PELI1: variants seen among roughly 807,000 people sequenced by gnomAD.
PELI1 encodes E3 ubiquitin-protein ligase pellino homolog 1.
In PELI1, 15 loss-of-function variants were observed where a neutral mutation model predicts 41.3. That is an observed-to-expected ratio of 0.36 (90% confidence interval 0.24 to 0.56). The LOEUF is 0.56. PELI1 is among the 20% of genes least tolerant of loss of function. The pLI, the probability that PELI1 is intolerant of heterozygous loss-of-function variation, is 0.82. For missense variants in PELI1, 403 were observed against 525.5 expected (o/e 0.77, Z 2.28); for synonymous variants, 178 against 180.1 (o/e 0.99, Z 0.09).
At chr2:64,108,184 G>T in intron 2 of PELI1, 56 bp downstream of exon 2, 2 of 953,588 alleles carry the variant, frequency 2.1e-6, no homozygotes, top group Non-Finnish European at 3.3e-6. Flanking sequence ...TAGCCTAGAT[G>T]CCAAAGTTAG....
At chr2:64,138,308 T>C (rs796818413) in intron 1 of PELI1, among the ~76,000 whole-genome samples, 12 of 152,300 alleles carry the variant, frequency 7.9e-5, no homozygotes, top group African/African-American at 2.9e-4. Context: ...GCACTTACTA[T>C]TCCCTCTGTG....
intron 6 of PELI1, 115 bp from the exon 7 acceptor site, chr2:64,095,383 T>A (rs1214973178): frequency 1.6e-6 from 1 of 641,104 alleles, no homozygotes; most frequent in Non-Finnish European, 2.8e-6. Flanking sequence ...GGATTTTCAC[T>A]AAATATTCAA....
chr2:64,100,318 C>T (rs549148541), intron 4 of PELI1, 80 bp downstream of exon 4: 187 of 749,812 alleles, frequency 2.5e-4, no homozygotes, highest in South Asian at 2.5e-3. Flanking sequence ...TGATAATCCT[C>T]TGACCTCAGC....
intron 1 of PELI1, among the ~76,000 whole-genome samples, chr2:64,138,278 G>A (rs776787202): frequency 8.5e-5 from 13 of 152,084 alleles, no homozygotes; most frequent in Admixed American, 3.3e-4. Flanking sequence ...TTGTAGGCAC[G>A]CTCCCATCTC....
rs1478162157 is a variant in PELI1 at position 64,144,148 on chromosome 2, G to A, written c.-137C>T. On this transcript the variant is annotated 5_prime_UTR_variant, in exon 1 of 7. Transcript: ENST00000358912. Reference sequence around the variant, plus strand: ...ACCCGAGGCGAGAGGGTGAAGTGTTGTGCGCGGGGAGCGCGAGCAGACAGC... The same window carrying A: ...ACCCGAGGCGAGAGGGTGAAGTGTTATGCGCGGGGAGCGCGAGCAGACAGC... 6 of 152,158 alleles carry A rather than the reference G, an allele frequency of 3.9e-5. No individual in the cohort carries two copies. The highest frequency in any genetic ancestry group is 1.2e-4 in the African/African-American group (5 of 41,436). 9.4% of individuals were successfully genotyped at this position (152,158 alleles called of 1,614,324 possible). A position where few individuals can be genotyped will look rare whatever the true frequency, so the allele number is the denominator to read the frequency against.
intron 1 of PELI1, among the ~76,000 whole-genome samples, chr2:64,127,356 G>T (rs1681424712): frequency 6.6e-6 from 1 of 152,200 alleles, no homozygotes; most frequent in Admixed American, 6.5e-5. Context: ...CTGGGCAACA[G>T]AGTGAGTCCT....
At chr2:64,138,856 G>A (rs1210060200) in intron 1 of PELI1, among the ~76,000 whole-genome samples, 1 of 152,106 alleles carries the variant, frequency 6.6e-6, no homozygotes, top group Non-Finnish European at 1.5e-5. Context: ...CTGTTTATTA[G>A]GGGAAATTTC....
chr2:64,094,858 AC>A lies in PELI1; in HGVS notation c.1100del (p.Cys367LeufsTer51). The A allele has an allele frequency of 6.2e-7, 1 of 1,614,220 alleles. No homozygotes were observed. Among genetic ancestry groups the A allele is most frequent in the Non-Finnish European group, 8.5e-7 (1 of 1,180,042 alleles). On this transcript the variant is annotated frameshift_variant, in exon 7 of 7. Coordinates refer to ENST00000358912, the MANE Select transcript of PELI1 (RefSeq NM_020651.4). LOFTEE classifies it high-confidence loss of function. ...TTGTCTTTTCTGAACACACATGCCC[AC>A]ACGGGCTAAACGCATGGGTTGGAGG... Reference protein sequence around the residue: ...AGPPTHAFSPCGHVCSEKTTA... With the variant: ...AGPPTHAFSPXGHVCSEKTTA...
At chr2:64,141,372 A>G (rs1681909916) in intron 1 of PELI1, among the ~76,000 whole-genome samples, 1 of 147,804 alleles carries the variant, frequency 6.8e-6, no homozygotes, top group Non-Finnish European at 1.5e-5. Context: ...TGAAATTTTA[A>G]TATTTACAGT....
chr2:64,115,684 TG>T (rs1276318383), intron 1 of PELI1, among the ~76,000 whole-genome samples: 4 of 152,168 alleles, frequency 2.6e-5, no homozygotes, highest in African/African-American at 9.7e-5. Context: ...ATGGAGAAAC[TG>T]AAGCTACCAG....
At chr2:64,102,475 T>C (rs778422775) in intron 3 of PELI1, among the ~76,000 whole-genome samples, 8 of 152,206 alleles carry the variant, frequency 5.3e-5, no homozygotes, top group Non-Finnish European at 1.2e-4. Context: ...TGTGCTCAAG[T>C]GATCTTCCTG....
At chr2:64,117,384 GGA>G (rs1681034063) in intron 1 of PELI1, among the ~76,000 whole-genome samples, 1 of 151,284 alleles carries the variant, frequency 6.6e-6, no homozygotes, top group Admixed American at 6.6e-5. Flanking sequence ...TAATAGACCT[GGA>G]AATACAATCA....
intron 2 of PELI1, among the ~76,000 whole-genome samples, chr2:64,107,404 A>G (rs1405709901): frequency 4.6e-5 from 7 of 152,206 alleles, no homozygotes; most frequent in African/African-American, 1.7e-4. Context: ...ACATGGATGA[A>G]ATTACGTTAG....
At chr2:64,106,101 T>A (rs1009284801) in intron 2 of PELI1, 2 of 152,256 alleles carry the variant, frequency 1.3e-5, no homozygotes, top group African/African-American at 4.8e-5. Context: ...GCCCCTTAGC[T>A]AATAATTATT....
At position 64,130,279 on chromosome 2, in the gene PELI1, C is replaced by T; in HGVS notation, c.-70+13802G>A. ...TTAGCCACTCGAGTAGCTGGGACTA[C>T]AGGCATATGCCACTATGCTACGTTC... On this transcript the variant is annotated intron_variant, in intron 1 of 6. Transcript: ENST00000358912. 1.3e-5 allele frequency among the ~76,000 whole-genome samples: 2 copies of T among 152,168 alleles called. 1 individual carries two copies. The highest frequency in any genetic ancestry group is 3.8e-4 in the East Asian group (2 of 5,200).
chr2:64,094,875 G>A lies in PELI1; in HGVS notation c.1084C>T (p.His362Tyr). The change falls in exon 7 of 7, where the codon CAT becomes TAT. Residue 362 changes from histidine (H) to tyrosine (Y), a missense_variant. Coordinates refer to ENST00000358912, the MANE Select transcript of PELI1 (RefSeq NM_020651.4). ...ACATGCCCACACGGGCTAAACGCAT[G>A]GGTTGGAGGGCCGGCGTCCACATAA... is the stretch of plus-strand genomic sequence containing the variant. ...GFYVDAGPPT[H>Y]AFSPCGHVCS... 1 of 1,614,202 alleles carries A rather than the reference G, an allele frequency of 6.2e-7. No individual in the cohort carries two copies. Among genetic ancestry groups the A allele is most frequent in the Non-Finnish European group, 8.5e-7 (1 of 1,180,044 alleles).
At chr2:64,118,787 T>C (rs1390285072) in intron 1 of PELI1, among the ~76,000 whole-genome samples, 7 of 152,154 alleles carry the variant, frequency 4.6e-5, no homozygotes, top group Admixed American at 4.6e-4. Context: ...GTCTCAAAGG[T>C]CCAGATCTCT....
At chr2:64,138,094 G>C (rs1327859261) in intron 1 of PELI1, among the ~76,000 whole-genome samples, 1 of 151,728 alleles carries the variant, frequency 6.6e-6, no homozygotes, top group Non-Finnish European at 1.5e-5. Context: ...AGTTACGCTA[G>C]TTTTTTTTGT....
intron 1 of PELI1, among the ~76,000 whole-genome samples, chr2:64,140,810 A>AAC (rs1681884197): frequency 6.8e-6 from 1 of 147,122 alleles, no homozygotes; most frequent in African/African-American, 2.5e-5. Context: ...CAAACAAACA[A>AAC]AAAAAAACCT....
Sources: gnomAD v4.1 joint callset for allele counts (sites outside exome capture counted in the v4.1 genomes callset) on GRCh38, gnomAD v4.1.1 for gene constraint, MANE v1.5 for transcripts, NCBI Gene and HGNC (gene_info 2026-07-23, HGNC 2026-07-21) for gene names.